STX16: variants seen among roughly 807,000 people sequenced by gnomAD.
STX16 encodes syntaxin 16.
A neutral mutation model predicts 42.7 loss-of-function variants in STX16; 28 were observed. That is an observed-to-expected ratio of 0.66 (90% CI 0.49 to 0.90). The LOEUF is 0.90. Ranked by LOEUF, STX16 falls within the 40% of genes least tolerant of loss-of-function variation. The probability of loss-of-function intolerance (pLI) is 0.00; values close to 1 mark genes in which losing one functional copy is unlikely to be tolerated. For missense variants in STX16, 361 were observed against 420.9 expected, an observed-to-expected ratio of 0.86 and a Z score of 1.24; for synonymous variants, 156 against 155.2, an observed-to-expected ratio of 1.00 and a Z score of -0.04.
intron 2 of STX16, among the ~76,000 whole-genome samples, chr20:58,660,960 A>T (rs577617848): frequency 6.6e-6 from 1 of 151,340 alleles, no homozygotes; most frequent in Non-Finnish European, 1.5e-5. Flanking sequence ...ACACCACTCA[A>T]CGGGTAGCTG....
chr20:58,661,476 G>T (rs1204968574), intron 2 of STX16, among the ~76,000 whole-genome samples: 1 of 152,264 alleles, frequency 6.6e-6, no homozygotes, highest in East Asian at 1.9e-4. Context: ...TCACCCCAGT[G>T]CTATTAGAAA....
chr20:58,652,711 C>G (rs2083497835), intron 1 of STX16, among the ~76,000 whole-genome samples: 1 of 152,126 alleles, frequency 6.6e-6, no homozygotes, highest in African/African-American at 2.4e-5. Context: ...AATTGCCTCA[C>G]TGTTCTTCCT....
At chr20:58,659,801 C>T (rs905207312) in intron 2 of STX16, among the ~76,000 whole-genome samples, 167 bp downstream of exon 2, 20 of 152,104 alleles carry the variant, frequency 1.3e-4, no homozygotes, top group African/African-American at 4.6e-4. Flanking sequence ...AGAATTTAAT[C>T]TATTTTCACA....
At chr20:58,671,692 G>A (rs1020799746) in intron 7 of STX16, among the ~76,000 whole-genome samples, 2 of 152,000 alleles carry the variant, frequency 1.3e-5, no homozygotes, top group African/African-American at 4.8e-5. Flanking sequence ...TGACTCTAGT[G>A]TTCTCATCTG....
In STX16 at chr20:58,668,112, C is replaced by G. The variant is rs753327653; in HGVS notation, c.378C>G (p.Thr126=). 1.9e-5 allele frequency: 30 copies of G among 1,614,080 alleles called. No homozygotes were observed. Among genetic ancestry groups the G allele is most frequent in the African/African-American group, 2.7e-5 (2 of 74,924 alleles). Reference sequence around the variant, plus strand: ...AGGAACATGCCATTGAGATAACTACCCAAGAGATCACTCAGGTGAGGAGTG... The same window carrying G: ...AGGAACATGCCATTGAGATAACTACGCAAGAGATCACTCAGGTGAGGAGTG... ...SEEEHAIEIT[T]QEITQLFHRC... is the part of the protein sequence containing the mutation. Residue 126 remains threonine (T), a synonymous_variant, in exon 4 of 9, where the codon ACC becomes ACG. Transcript: ENST00000371141.
intron 1 of STX16, among the ~76,000 whole-genome samples, chr20:58,658,163 C>G (rs949880165): frequency 6.6e-6 from 1 of 151,976 alleles, no homozygotes; most frequent in Non-Finnish European, 1.5e-5. Flanking sequence ...AGATTTTAAC[C>G]GAGGTTTGCA....
chr20:58,664,004 G>C (rs548193369), intron 2 of STX16, among the ~76,000 whole-genome samples: 1 of 152,330 alleles, frequency 6.6e-6, no homozygotes, highest in East Asian at 1.9e-4. Context: ...TATATTTGGA[G>C]GGGGCACCAT....
chr20:58,672,881 G>A (rs186415108), intron 7 of STX16, among the ~76,000 whole-genome samples: 1 of 152,286 alleles, frequency 6.6e-6, no homozygotes, highest in East Asian at 1.9e-4. Flanking sequence ...TGCCAGCAGG[G>A]ATTTGGGTCC....
intron 8 of STX16, among the ~76,000 whole-genome samples, chr20:58,673,912 C>T (rs924242521): frequency 3.9e-5 from 6 of 152,174 alleles, no homozygotes; most frequent in African/African-American, 4.8e-5. Context: ...TTAATGATTC[C>T]AGGTGTATCT....
At chr20:58,665,405 T>C (rs1302783576) in intron 2 of STX16, among the ~76,000 whole-genome samples, 2 of 152,166 alleles carry the variant, frequency 1.3e-5, no homozygotes, top group Non-Finnish European at 2.9e-5. Context: ...TTATAGTTTA[T>C]GGGCCTGTGG....
chr20:58,651,971 G>A lies in STX16; in HGVS notation c.-36G>A, dbSNP rs1436265504. The A allele has an allele frequency of 6.2e-7, 1 of 1,609,708 alleles. No homozygotes were observed. Among genetic ancestry groups the A allele is most frequent in the Non-Finnish European group, 8.5e-7 (1 of 1,176,376 alleles). Reference sequence around the variant, plus strand: ...AATAAATCAGGAATATAAGTGGGCGGGGGGCCCCTGAGAGGGGGGTCGCAA... The same window carrying A: ...AATAAATCAGGAATATAAGTGGGCGAGGGGCCCCTGAGAGGGGGGTCGCAA... On this transcript the variant is annotated 5_prime_UTR_variant, in exon 1 of 9. Coordinates refer to ENST00000371141, the MANE Select transcript of STX16 (RefSeq NM_001001433.3).
intron 1 of STX16, among the ~76,000 whole-genome samples, chr20:58,654,806 G>A (rs1318661797): frequency 6.6e-6 from 1 of 152,174 alleles, no homozygotes; most frequent in Non-Finnish European, 1.5e-5. Flanking sequence ...GTTTAGTGGT[G>A]AAATGTCAAG....
In STX16 at chr20:58,669,194, AG is replaced by A. The variant is rs147152189; in HGVS notation, c.394-96del. The A allele has an allele frequency of 3.4e-3, 4,531 of 1,317,696 alleles. 124 individuals carry two copies. In the African/African-American group the frequency reaches 0.056, roughly 16 times the overall value. The allele number at this position is 1,317,696 out of a possible 1,614,324, so 81.6% of individuals were successfully genotyped here. ...TTTCTCTAAACCAGACTGAGTGAACAGAGCCTCTCACTTCTCACTCTGGCTT... is the reference window on the plus strand; with the variant it reads ...TTTCTCTAAACCAGACTGAGTGAACAAGCCTCTCACTTCTCACTCTGGCTT... On this transcript the variant is annotated intron_variant, in intron 4 of 8. Transcript: ENST00000371141.
At chr20:58,663,288 G>A (rs1236704387) in intron 2 of STX16, among the ~76,000 whole-genome samples, 1 of 152,184 alleles carries the variant, frequency 6.6e-6, no homozygotes, top group Non-Finnish European at 1.5e-5. Context: ...GGAAAGGCAG[G>A]GTTTTTAAGA....
intron 2 of STX16, among the ~76,000 whole-genome samples, chr20:58,663,666 C>T (rs1195900545): frequency 6.6e-6 from 1 of 151,246 alleles, no homozygotes; most frequent in African/African-American, 2.4e-5. Context: ...TTCAGAAGCA[C>T]AAATTTATTT....
intron 2 of STX16, among the ~76,000 whole-genome samples, chr20:58,661,707 G>A (rs986192396): frequency 1.3e-5 from 2 of 152,228 alleles, no homozygotes; most frequent in African/African-American, 4.8e-5. Context: ...ACTCTGAAGT[G>A]CCAGGTACTG....
chr20:58,668,111 C>G lies in STX16; in HGVS notation c.377C>G (p.Thr126Ser), dbSNP rs1221989287. The G allele has an allele frequency of 1.2e-6, 2 of 1,614,126 alleles. No homozygotes were observed. Among genetic ancestry groups the G allele is most frequent in the African/African-American group, 2.7e-5 (2 of 74,942 alleles). ...GAGGAACATGCCATTGAGATAACTA[C>G]CCAAGAGATCACTCAGGTGAGGAGT... ...SEEEHAIEIT[T>S]QEITQLFHRC... Residue 126 changes from threonine (T) to serine (S), a missense_variant, in exon 4 of 9, where the codon ACC (threonine) becomes AGC (serine). Coordinates refer to ENST00000371141, the MANE Select transcript of STX16 (RefSeq NM_001001433.3).
rs927573202 is a variant in STX16, at chr20:58,668,584, G to A, written c.393+457G>A. Reference sequence around the variant, plus strand: ...CTCAGTGTTTACATTTTTTACTGAAGTCTCCTGGGTGCTAATTATCAGAGG... The same window carrying A: ...CTCAGTGTTTACATTTTTTACTGAAATCTCCTGGGTGCTAATTATCAGAGG... On this transcript the variant is annotated intron_variant, in intron 4 of 8. Transcript: ENST00000371141. 9.9e-5 allele frequency among the ~76,000 whole-genome samples: 15 copies of A among 151,916 alleles called. No homozygotes were observed. The South Asian group carries it at 3.1e-3, about 32-fold the overall frequency.
intron 1 of STX16, among the ~76,000 whole-genome samples, chr20:58,652,717 T>C (rs1019451602): frequency 2.0e-5 from 3 of 152,162 alleles, no homozygotes; most frequent in African/African-American, 7.2e-5. Flanking sequence ...CTCACTGTTC[T>C]TCCTGGGGGC....
Sources: allele counts gnomAD v4.1 joint callset (sites outside exome capture counted in the v4.1 genomes callset), GRCh38; gene constraint gnomAD v4.1.1; transcripts MANE v1.5; gene names NCBI Gene and HGNC (gene_info 2026-07-23, HGNC 2026-07-21).